The following EXT2 variants were observed in gnomAD, a reference collection of about 807,000 sequenced individuals.
The protein encoded by EXT2 is exostosin-2.
A neutral mutation model predicts 81.6 loss-of-function variants in EXT2; 53 were observed. The observed-to-expected ratio is 0.65, with a 90% CI of 0.52 to 0.82. EXT2 has a LOEUF of 0.82. EXT2 is among the 40% of genes least tolerant of loss of function. EXT2 has a pLI of 0.00. For missense variants in EXT2, 774 were observed against 910.2 expected (o/e 0.85, Z 1.93); for synonymous variants, 320 against 340.0 (o/e 0.94, Z 0.65).
intron 6 of EXT2, 147 bp from the exon 7 acceptor site, chr11:44,129,898 G>A: frequency 4.2e-6 from 3 of 717,082 alleles, no homozygotes; most frequent in South Asian, 3.0e-5. Context: ...AGAAGGGAGG[G>A]GAAAGAGATA....
chr11:44,220,417 T>C lies in EXT2; in HGVS notation c.1663-11936T>C, dbSNP rs370415262. Among the ~76,000 whole-genome samples, 27 of 152,352 alleles carry C rather than the reference T, an allele frequency of 1.8e-4. No homozygotes were observed. The highest frequency in any genetic ancestry group is 6.0e-4 in the African/African-American group (25 of 41,582). On this transcript the variant is annotated intron_variant, in intron 10 of 13. Coordinates refer to ENST00000533608, the MANE Select transcript of EXT2 (RefSeq NM_207122.2). This position sits in a 1 kb window ranked among gnomAD's most constrained non-coding sequence, Gnocchi z 4.4. Reference sequence around the variant, plus strand: ...TACAGTATTGAAAAGAGCATATCTCTGTCTGTTACCTCCATTTTTCACTTT... The same window carrying C: ...TACAGTATTGAAAAGAGCATATCTCCGTCTGTTACCTCCATTTTTCACTTT...
At chr11:44,179,281 G>T (rs907607945) in intron 8 of EXT2, among the ~76,000 whole-genome samples, 14 of 152,220 alleles carry the variant, frequency 9.2e-5, no homozygotes, top group Admixed American at 3.3e-4. Flanking sequence ...ATGTGCCTGT[G>T]TAACACACAT....
At chr11:44,132,582 T>C (rs1565206693) in intron 7 of EXT2, among the ~76,000 whole-genome samples, 1 of 152,172 alleles carries the variant, frequency 6.6e-6, no homozygotes. Context: ...AAAAACTCTA[T>C]GAAATGCTTA....
At chr11:44,224,145 C>A (rs1422000682) in intron 10 of EXT2, among the ~76,000 whole-genome samples, 2 of 152,128 alleles carry the variant, frequency 1.3e-5, no homozygotes, top group Non-Finnish European at 2.9e-5. Flanking sequence ...CTATAATTAT[C>A]TCAAACTAAA....
At chr11:44,237,962 G>GCC (rs1955989825) in intron 13 of EXT2, among the ~76,000 whole-genome samples, 1 of 150,204 alleles carries the variant, frequency 6.7e-6, no homozygotes, top group Non-Finnish European at 1.5e-5. Flanking sequence ...GGTGGCGCAT[G>GCC]CCTGTAATCT....
At position 44,209,015 on chromosome 11, in the gene EXT2, G is replaced by A. The variant is rs185190879; in HGVS notation, c.1662+2056G>A. On this transcript the variant is annotated intron_variant, in intron 10 of 13. Transcript: ENST00000533608. Reference sequence around the variant, plus strand: ...CTACCATTGGTGCTTTAGGGCCTCCGTGCCCAAATTCCTGCTCTATCACTG... The same window carrying A: ...CTACCATTGGTGCTTTAGGGCCTCCATGCCCAAATTCCTGCTCTATCACTG... 2.1e-4 allele frequency among the ~76,000 whole-genome samples: 32 copies of A among 152,306 alleles called. No homozygotes were observed. The East Asian group carries it at 2.3e-3, about 11-fold the overall frequency.
At chr11:44,239,473 ACCTCCG>A (rs2135274290) in intron 13 of EXT2, among the ~76,000 whole-genome samples, 1 of 148,652 alleles carries the variant, frequency 6.7e-6, no homozygotes, top group South Asian at 2.1e-4. Context: ...GCTCACTGTA[ACCTCCG>A]CCTCCCAGGT....
In EXT2 at chr11:44,171,737, G is replaced by A; in HGVS notation, c.1300G>A (p.Ala434Thr). ...ISYEEWNDPP[A>T]VKWGSVSNPL... ...CTATGAAGAATGGAATGACCCTCCT[G>A]CTGTGGTAAGTGAATTCCAGTGCTA... Residue 434 changes from alanine to threonine, a missense_variant, in exon 8 of 14, where the codon GCT becomes ACT. Physicochemically the swap from Ala to Thr is moderately conservative, Grantham distance 58. This residue lies in a region of EXT2 where 626 missense variants were observed against 670.5 expected (regional missense o/e 0.93). Coordinates refer to ENST00000533608, the MANE Select transcript of EXT2 (RefSeq NM_207122.2). 1.2e-6 allele frequency: 2 copies of A among 1,613,894 alleles called. No individual in the cohort carries two copies. Among genetic ancestry groups the A allele is most frequent in the Non-Finnish European group, 1.7e-6 (2 of 1,179,878 alleles).
chr11:44,124,480 CACAA>C (rs1370151025), intron 4 of EXT2, among the ~76,000 whole-genome samples: 1 of 150,878 alleles, frequency 6.6e-6, no homozygotes, highest in Non-Finnish European at 1.5e-5. Flanking sequence ...CACACACACA[CACAA>C]TTTATAGCAT....
At position 44,197,933 on chromosome 11, in the gene EXT2, C is replaced by T. The variant is rs1955476771; in HGVS notation, c.1410C>T (p.Phe470=). Residue 470 remains phenylalanine (F), a synonymous_variant, in exon 9 of 14, where the codon TTC becomes TTT. Transcript: ENST00000533608. ...VLTYDRVESL[F]RVITEVSKVP... The stretch of plus-strand genomic sequence containing the variant: ...CCTACGACCGAGTAGAGAGCCTCTT[C>T]CGGGTCATCACTGAAGTGTCCAAGG... 6.2e-7 allele frequency: 1 copy of T among 1,613,966 alleles called. No homozygotes were observed. The highest frequency in any genetic ancestry group is 8.5e-7 in the Non-Finnish European group (1 of 1,179,992).
At chr11:44,120,677 C>G (rs1013978706) in intron 4 of EXT2, among the ~76,000 whole-genome samples, 1 of 152,194 alleles carries the variant, frequency 6.6e-6, no homozygotes, top group African/African-American at 2.4e-5. Flanking sequence ...GCGGGCTATA[C>G]AGAATAGTGA....
intron 7 of EXT2, among the ~76,000 whole-genome samples, chr11:44,156,369 G>T (rs1051090764): frequency 6.6e-6 from 1 of 151,732 alleles, no homozygotes; most frequent in Admixed American, 6.6e-5. Context: ...TCTTAGATTC[G>T]CCCTTTTGAA....
intron 10 of EXT2, among the ~76,000 whole-genome samples, chr11:44,208,714 C>T (rs771987634): frequency 6.6e-6 from 1 of 152,178 alleles, no homozygotes; most frequent in East Asian, 1.9e-4. Flanking sequence ...GCTCTTGGCC[C>T]AGGCCTGCAA....
chr11:44,122,840 TGAGCACTG>T (rs1954338647), intron 4 of EXT2, among the ~76,000 whole-genome samples: 1 of 152,252 alleles, frequency 6.6e-6, no homozygotes, highest in Admixed American at 6.5e-5. Context: ...TATGGCTATT[TGAGCACTG>T]GAAATGGGCC....
intron 12 of EXT2, 105 bp from the exon 13 acceptor site, chr11:44,236,188 C>A: frequency 1.0e-6 from 1 of 991,572 alleles, no homozygotes; most frequent in Non-Finnish European, 1.6e-6. Context: ...CACGCGCATG[C>A]AACATCTCAG....
At chr11:44,101,327 G>C (rs1236134478) in intron 1 of EXT2, among the ~76,000 whole-genome samples, 1 of 152,136 alleles carries the variant, frequency 6.6e-6, no homozygotes, top group South Asian at 2.1e-4. Context: ...TTGCAACCAG[G>C]GCTGATTTTG....
chr11:44,245,428 G>A lies in EXT2; in HGVS notation c.*1141G>A. 1 of 190,294 alleles carries A rather than the reference G, an allele frequency of 5.3e-6. No individual in the cohort carries two copies. The highest frequency in any genetic ancestry group is 1.1e-5 in the Non-Finnish European group (1 of 90,552). 11.8% of individuals were successfully genotyped at this position (190,294 alleles called of 1,614,324 possible). ...TTAAATTTCAGCATTTACTAATACT[G>A]CACATGTGTGAATTATACCTCTTTA... On this transcript the variant is annotated 3_prime_UTR_variant, in exon 14 of 14. Coordinates refer to ENST00000533608, the MANE Select transcript of EXT2 (RefSeq NM_207122.2).
chr11:44,248,964 G>A lies in EXT2; in HGVS notation c.*4677G>A, dbSNP rs1017030788. On this transcript the variant is annotated 3_prime_UTR_variant, in exon 14 of 14. Coordinates refer to ENST00000533608, the MANE Select transcript of EXT2 (RefSeq NM_207122.2). The stretch of plus-strand genomic sequence containing the variant: ...ACATTTGCAACCATTTCAGGGTAGA[G>A]TTTTTTTGTTTGTTTGTTTGTTTGT... Among the ~76,000 whole-genome samples the A allele has an allele frequency of 4.0e-5, 6 of 151,806 alleles. No individual in the cohort carries two copies. The East Asian group carries it at 7.7e-4, about 20-fold the overall frequency.
At chr11:44,176,120 T>G (rs1012825416) in intron 8 of EXT2, among the ~76,000 whole-genome samples, 2 of 152,170 alleles carry the variant, frequency 1.3e-5, no homozygotes, top group Admixed American at 1.3e-4. Context: ...ATGAAAAATA[T>G]TACATCTGTT....
Sources: allele counts gnomAD v4.1 joint callset (sites outside exome capture counted in the v4.1 genomes callset), GRCh38; gene constraint gnomAD v4.1.1; regional missense constraint gnomAD v4.1.1; non-coding constraint Gnocchi (gnomAD v3.1); transcripts MANE v1.5; gene names NCBI Gene and HGNC (gene_info 2026-07-23, HGNC 2026-07-21).